GNA12: variants seen among roughly 807,000 people sequenced by gnomAD.
GNA12 encodes G protein subunit alpha 12.
In GNA12, 9 loss-of-function variants were observed where a neutral mutation model predicts 26.0. The ratio of observed to expected loss-of-function variants is 0.35; its 90% CI spans 0.21 to 0.60. The LOEUF (loss-of-function observed/expected upper bound fraction) is 0.60, where lower values mean the gene tolerates loss of function less well. GNA12 is among the 20% of genes least tolerant of loss of function. The probability of loss-of-function intolerance (pLI) is 0.78; values close to 1 mark genes in which losing one functional copy is unlikely to be tolerated. For missense variants in GNA12, 405 were observed against 525.8 expected, an observed-to-expected ratio of 0.77 and a Z score of 2.25; for synonymous variants, 264 against 219.6, an observed-to-expected ratio of 1.20 and a Z score of -1.79.
At chr7:2,750,044 AG>A (rs1790953859) in intron 2 of GNA12, among the ~76,000 whole-genome samples, 1 of 152,244 alleles carries the variant, frequency 6.6e-6, no homozygotes, top group Admixed American at 6.5e-5. Flanking sequence ...GATTTCAAGA[AG>A]CTCCACAAAT....
chr7:2,830,622 T>C (rs977647559), intron 1 of GNA12, among the ~76,000 whole-genome samples: 3 of 152,196 alleles, frequency 2.0e-5, no homozygotes, highest in East Asian at 3.8e-4. Context: ...GGATAAGGGA[T>C]GGCAGGAGAG....
At position 2,745,932 on chromosome 7, in the gene GNA12, C is replaced by T. The variant is rs1242437139; in HGVS notation, c.526-12431G>A. The stretch of plus-strand genomic sequence containing the variant: ...TCAAAAGAGACAAAGAAGGCCATTA[C>T]ATAATGGTAAAGCGATCAATTCAAC... On this transcript the variant is annotated intron_variant, in intron 2 of 3. Coordinates refer to ENST00000275364, the MANE Select transcript of GNA12 (RefSeq NM_007353.3). 2.6e-5 allele frequency among the ~76,000 whole-genome samples: 4 copies of T among 152,166 alleles called. No individual in the cohort carries two copies. In the South Asian group the frequency reaches 8.3e-4, roughly 31 times the overall value.
At chr7:2,753,622 C>T (rs867961485) in intron 2 of GNA12, among the ~76,000 whole-genome samples, 1 of 152,172 alleles carries the variant, frequency 6.6e-6, no homozygotes, top group African/African-American at 2.4e-5. Context: ...TGTATTTTAG[C>T]TATTACACAT....
chr7:2,762,941 C>T (rs1383468770), intron 2 of GNA12: 6 of 1,379,836 alleles, frequency 4.3e-6, no homozygotes, highest in Admixed American at 3.5e-5. Flanking sequence ...CAGACACTCC[C>T]GTGGGGCCCG....
intron 2 of GNA12, 176 bp downstream of exon 2, chr7:2,794,752 C>CT (rs1342041155): frequency 3.3e-6 from 2 of 610,090 alleles, no homozygotes; most frequent in Non-Finnish European, 5.8e-6. Flanking sequence ...CCTCTTGAGC[C>CT]TTTTATATAG....
chr7:2,823,766 C>A (rs1189905794), intron 1 of GNA12, among the ~76,000 whole-genome samples: 1 of 152,142 alleles, frequency 6.6e-6, no homozygotes, highest in African/African-American at 2.4e-5. Context: ...CTACTAATAT[C>A]TATAAAACCC....
intron 2 of GNA12, among the ~76,000 whole-genome samples, chr7:2,747,662 C>A (rs116812210): frequency 6.6e-6 from 1 of 152,074 alleles, no homozygotes; most frequent in Non-Finnish European, 1.5e-5. Context: ...TGTTGGAAGT[C>A]CTAGGCAGGG....
chr7:2,760,149 C>T (rs149319596), intron 2 of GNA12, among the ~76,000 whole-genome samples: 4 of 152,366 alleles, frequency 2.6e-5, no homozygotes, highest in South Asian at 2.1e-4. Context: ...ACGTGATGGA[C>T]GTGCTTTCTT....
At chr7:2,819,987 T>G (rs1006886064) in intron 1 of GNA12, among the ~76,000 whole-genome samples, 1 of 152,186 alleles carries the variant, frequency 6.6e-6, no homozygotes, top group African/African-American at 2.4e-5. Context: ...TGCCACTGAC[T>G]GAGGCACGGA....
chr7:2,732,899 A>G (rs1041660094), intron 3 of GNA12, among the ~76,000 whole-genome samples: 1 of 152,246 alleles, frequency 6.6e-6, no homozygotes, highest in Non-Finnish European at 1.5e-5. Context: ...AAACTCTGCT[A>G]AAACAAAGCA....
intron 2 of GNA12, among the ~76,000 whole-genome samples, chr7:2,752,551 A>C (rs1424046667): frequency 6.6e-6 from 1 of 152,226 alleles, no homozygotes; most frequent in African/African-American, 2.4e-5. Context: ...CAAAATCCTA[A>C]GGAAGCTATA....
chr7:2,769,957 T>C (rs1177684824), intron 2 of GNA12, among the ~76,000 whole-genome samples: 4 of 152,060 alleles, frequency 2.6e-5, no homozygotes, highest in Non-Finnish European at 5.9e-5. Context: ...TTTTAAATCA[T>C]GGGGGGGCAA....
intron 1 of GNA12, among the ~76,000 whole-genome samples, chr7:2,822,639 T>C (rs991466398): frequency 7.2e-5 from 11 of 152,104 alleles, no homozygotes; most frequent in Non-Finnish European, 1.5e-4. Context: ...GGCAACATAG[T>C]GAGTCCTTGT....
rs2115487518 is a variant in GNA12, at chr7:2,814,795, GC to G, written c.310-19653del. ...CATCCTAGAAAGGGTTCCCTGACCT[GC>G]CCCGCACTGCTCCCAAGCACCCTTC... On this transcript the variant is annotated intron_variant, in intron 1 of 3. Coordinates refer to ENST00000275364, the MANE Select transcript of GNA12 (RefSeq NM_007353.3). The G allele has an allele frequency of 3.8e-6, 5 of 1,329,856 alleles. No individual in the cohort carries two copies. In the South Asian group the frequency reaches 6.3e-5, roughly 17 times the overall value. 82.4% of individuals were successfully genotyped at this position (1,329,856 alleles called of 1,614,324 possible).
chr7:2,795,317 T>C (rs1045495032), intron 1 of GNA12, among the ~76,000 whole-genome samples, 174 bp from the exon 2 acceptor site: 8 of 152,040 alleles, frequency 5.3e-5, no homozygotes, highest in African/African-American at 1.9e-4. Context: ...GTCTTAACTC[T>C]CAGCAGTATA....
intron 1 of GNA12, among the ~76,000 whole-genome samples, chr7:2,826,756 C>T (rs1793493666): frequency 6.6e-6 from 1 of 152,162 alleles, no homozygotes; most frequent in Admixed American, 6.5e-5. Flanking sequence ...AGACAGTAAA[C>T]GCTCAGAGGC....
chr7:2,821,515 A>G (rs1322387112), intron 1 of GNA12, among the ~76,000 whole-genome samples: 1 of 152,226 alleles, frequency 6.6e-6, no homozygotes, highest in Non-Finnish European at 1.5e-5. Context: ...AATTGTATCA[A>G]TGACTCTATA....
chr7:2,765,636 AT>A (rs1791777174), intron 2 of GNA12, among the ~76,000 whole-genome samples: 1 of 140,400 alleles, frequency 7.1e-6, no homozygotes, highest in African/African-American at 2.7e-5. Context: ...TCTTCTTTTT[AT>A]TTTTTGCTTT....
At chr7:2,794,401 AC>A (rs950631936) in intron 2 of GNA12, among the ~76,000 whole-genome samples, 1 of 151,966 alleles carries the variant, frequency 6.6e-6, no homozygotes, top group East Asian at 1.9e-4. Flanking sequence ...AACAGGCAAA[AC>A]CCCCCAGATT....
Sources: gnomAD v4.1 joint callset for allele counts (sites outside exome capture counted in the v4.1 genomes callset) on GRCh38, gnomAD v4.1.1 for gene constraint, MANE v1.5 for transcripts, NCBI Gene and HGNC (gene_info 2026-07-23, HGNC 2026-07-21) for gene names.